IL1RAPL1: variants seen among roughly 807,000 people sequenced by gnomAD.
The protein encoded by IL1RAPL1 is interleukin-1 receptor accessory protein-like 1.
A neutral mutation model predicts 48.4 loss-of-function variants in IL1RAPL1; 3 were observed. That is an observed-to-expected ratio of 0.06 (90% CI 0.03 to 0.16). The LOEUF is 0.16. Among genes scored for constraint, IL1RAPL1 ranks in the 10% least tolerant of loss-of-function variants. The pLI is 1.00. For missense variants in IL1RAPL1, 349 were observed against 530.6 expected, an observed-to-expected ratio of 0.66 and a Z score of 3.36; for synonymous variants, 185 against 187.7, an observed-to-expected ratio of 0.99 and a Z score of 0.12.
At chrX:28,907,337 C>T (rs886707916) in intron 2 of IL1RAPL1, among the ~76,000 whole-genome samples, 8 of 111,972 alleles carry the variant, frequency 7.1e-5, no homozygotes, top group African/African-American at 2.6e-4. Context: ...TCACTGCAAC[C>T]TCTGCCTCCC....
chrX:29,722,140 C>T (rs1301564344), intron 6 of IL1RAPL1, among the ~76,000 whole-genome samples: 1 of 111,387 alleles, frequency 9.0e-6, no homozygotes, highest in Non-Finnish European at 1.9e-5. Context: ...TCACTATAGT[C>T]AACCAAATTA....
intron 1 of IL1RAPL1, among the ~76,000 whole-genome samples, chrX:28,731,398 G>A (rs1935753967): frequency 9.0e-6 from 1 of 111,521 alleles, no homozygotes; most frequent in Admixed American, 9.5e-5. Context: ...AGCAAAGTCT[G>A]CTTTTGTTGC....
rs1245131695 is a variant in IL1RAPL1 at position 29,903,755 on chromosome X, T to C, written c.779-13709T>C. ...AGTGTGACAAGCATTGTTCTCATTT[T>C]AGATAGGAATGATTTTTTATGATCA... On this transcript the variant is annotated intron_variant, in intron 6 of 10. Transcript: ENST00000378993. Among the ~76,000 whole-genome samples the C allele has an allele frequency of 6.3e-5, 7 of 111,942 alleles. No homozygotes were observed. The East Asian group carries it at 2.0e-3, about 31-fold the overall frequency.
At chrX:28,909,584 T>C (rs1323765118) in intron 2 of IL1RAPL1, among the ~76,000 whole-genome samples, 1 of 111,839 alleles carries the variant, frequency 8.9e-6, no homozygotes, top group Non-Finnish European at 1.9e-5. Flanking sequence ...CTCAATCCTT[T>C]AAGAAGATAT....
intron 5 of IL1RAPL1, among the ~76,000 whole-genome samples, chrX:29,521,001 C>A (rs1569329867): frequency 9.0e-6 from 1 of 110,631 alleles, no homozygotes; most frequent in Non-Finnish European, 1.9e-5. Context: ...GTAATGTAAT[C>A]CATGGTATGG....
chrX:28,810,183 A>G (rs1240323852), intron 2 of IL1RAPL1, among the ~76,000 whole-genome samples: 1 of 110,220 alleles, frequency 9.1e-6, no homozygotes, highest in African/African-American at 3.3e-5. Flanking sequence ...AATAATGGAT[A>G]TTTAAGTGGA....
chrX:29,298,460 A>G (rs1415102703), intron 3 of IL1RAPL1, among the ~76,000 whole-genome samples: 4 of 111,749 alleles, frequency 3.6e-5, no homozygotes, highest in Non-Finnish European at 5.6e-5. Context: ...AAATAATTTG[A>G]AGGAAATTCA....
intron 1 of IL1RAPL1, among the ~76,000 whole-genome samples, chrX:28,640,435 C>T (rs1466600874): frequency 9.1e-6 from 1 of 110,133 alleles, no homozygotes; most frequent in East Asian, 2.9e-4. Context: ...AACCTCTGCC[C>T]CCCAGGTTCA....
chrX:29,438,286 T>A (rs1934504459), intron 5 of IL1RAPL1, among the ~76,000 whole-genome samples: 1 of 111,432 alleles, frequency 9.0e-6, no homozygotes, highest in Admixed American at 9.5e-5. Flanking sequence ...TTTGTCAGTT[T>A]TGCTAGAGGT....
chrX:29,165,375 C>G (rs1171982053), intron 2 of IL1RAPL1, among the ~76,000 whole-genome samples: 1 of 111,994 alleles, frequency 8.9e-6, no homozygotes, highest in Admixed American at 9.5e-5. Flanking sequence ...ACAGCTAACT[C>G]ACAGTCTTCT....
intron 5 of IL1RAPL1, among the ~76,000 whole-genome samples, chrX:29,529,749 A>G (rs1935593938): frequency 9.0e-6 from 1 of 111,192 alleles, no homozygotes; most frequent in Non-Finnish European, 1.9e-5. Context: ...TAAGGGGTAA[A>G]GGAATATAAT....
At chrX:29,252,926 G>C (rs1931691163) in intron 2 of IL1RAPL1, among the ~76,000 whole-genome samples, 1 of 110,644 alleles carries the variant, frequency 9.0e-6, no homozygotes, top group South Asian at 3.8e-4. Flanking sequence ...TATTGATCTG[G>C]TAAATGTTTT....
chrX:29,758,075 A>C (rs765137277), intron 6 of IL1RAPL1, among the ~76,000 whole-genome samples: 1 of 111,784 alleles, frequency 8.9e-6, no homozygotes, highest in Non-Finnish European at 1.9e-5. Context: ...TATTTATTTT[A>C]TTTGCCTATC....
intron 6 of IL1RAPL1, among the ~76,000 whole-genome samples, chrX:29,863,015 A>AT (rs1288716233): frequency 1.2e-4 from 13 of 108,442 alleles, no homozygotes; most frequent in African/African-American, 4.0e-4. Flanking sequence ...TAGTAGAGAC[A>AT]TTTTTTACCC....
At chrX:28,893,323 T>A (rs1922821788) in intron 2 of IL1RAPL1, among the ~76,000 whole-genome samples, 1 of 109,670 alleles carries the variant, frequency 9.1e-6, no homozygotes, top group Admixed American at 9.6e-5. Flanking sequence ...GTGAGTTGTG[T>A]TTTTAAAAGA....
At chrX:28,880,947 T>A (rs988249724) in intron 2 of IL1RAPL1, among the ~76,000 whole-genome samples, 1 of 112,018 alleles carries the variant, frequency 8.9e-6, no homozygotes, top group Middle Eastern at 4.6e-3. Context: ...TCTTATTGAA[T>A]GAATAAAAAT....
intron 2 of IL1RAPL1, among the ~76,000 whole-genome samples, chrX:28,939,018 TA>T (rs201504894): frequency 0.036 from 3,418 of 94,368 alleles, 104 homozygotes; most frequent in African/African-American, 0.1. Flanking sequence ...TAATAAACAG[TA>T]AAAAAAAAAA....
At chrX:29,634,835 T>A (rs905003893) in intron 5 of IL1RAPL1, among the ~76,000 whole-genome samples, 1 of 111,877 alleles carries the variant, frequency 8.9e-6, no homozygotes, top group East Asian at 2.8e-4. Context: ...AGAGATTTTT[T>A]AAAAATGAGT....
intron 2 of IL1RAPL1, among the ~76,000 whole-genome samples, chrX:28,898,929 A>G (rs1446827681): frequency 9.0e-6 from 1 of 111,383 alleles, no homozygotes; most frequent in Non-Finnish European, 1.9e-5. Context: ...AGCTGGGACT[A>G]TAGGCATGCT....
Sources: gnomAD v4.1 joint callset for allele counts (sites outside exome capture counted in the v4.1 genomes callset) on GRCh38, gnomAD v4.1.1 for gene constraint, MANE v1.5 for transcripts, NCBI Gene and HGNC (gene_info 2026-07-23, HGNC 2026-07-21) for gene names.